REXO5: variants seen among roughly 807,000 people sequenced by gnomAD.
REXO5 encodes RNA exonuclease 5.
REXO5 carries 48 observed loss-of-function variants against 88.5 expected under a neutral mutation model. The ratio of observed to expected loss-of-function variants is 0.54; its 90% CI spans 0.43 to 0.69. The LOEUF (loss-of-function observed/expected upper bound fraction) is 0.69, where lower values mean the gene tolerates loss of function less well. REXO5 is among the 30% of genes least tolerant of loss of function. REXO5 has a pLI of 0.00. For synonymous variants in REXO5, 311 were observed against 336.5 expected (o/e 0.92, Z 0.83); for missense variants, 749 against 912.2 (o/e 0.82, Z 2.30).
In REXO5 at chr16:20,829,297, T is replaced by C. The variant is rs146616662; in HGVS notation, c.1158+760T>C. Among the ~76,000 whole-genome samples the C allele has an allele frequency of 3.2e-3, 493 of 152,336 alleles. 5 individuals carry two copies. Among genetic ancestry groups the C allele is most frequent in the African/African-American group, 0.011 (476 of 41,570 alleles). On this transcript the variant is annotated intron_variant, in intron 11 of 19. Coordinates refer to ENST00000261377, the MANE Select transcript of REXO5 (RefSeq NM_030941.3). ...TATCCTGGTGGTGTGGTGATTATTG[T>C]AGTTAATACTAATAATTATAAAAAA...
chr16:20,833,272 A>G, intron 13 of REXO5, 149 bp downstream of exon 13: 1 of 775,336 alleles, frequency 1.3e-6, no homozygotes, highest in Admixed American at 3.0e-5. Flanking sequence ...TGTATGGAGT[A>G]CCTAAGTCCT....
At chr16:20,832,943 A>G in intron 12 of REXO5, 60 bp from the exon 13 acceptor site, 1 of 1,519,220 alleles carries the variant, frequency 6.6e-7, no homozygotes, top group Non-Finnish European at 9.0e-7. Flanking sequence ...AGTATAGAGA[A>G]ATAACTGTCA....
chr16:20,814,740 G>A (rs1215250080), intron 3 of REXO5, among the ~76,000 whole-genome samples, 187 bp from the exon 4 acceptor site: 3 of 152,156 alleles, frequency 2.0e-5, no homozygotes, highest in African/African-American at 7.2e-5. Flanking sequence ...TTTATCTCTA[G>A]GGATCTTTAT....
chr16:20,814,964 G>T lies in REXO5; in HGVS notation c.289G>T (p.Val97Leu). The T allele has an allele frequency of 6.2e-7, 1 of 1,613,580 alleles. No individual in the cohort carries two copies. The highest frequency in any genetic ancestry group is 8.5e-7 in the Non-Finnish European group (1 of 1,179,782). Residue 97 changes from valine to leucine, a missense_variant, in exon 4 of 20, where the codon GTA becomes TTA. Transcript: ENST00000261377. ...TTTTCATCAAAACCACCTAAACAAC[G>T]TAGTGGTTTTTGTTCTGCAGGGAAT... ...QLFHQNHLNN[V>L]VVFVLQGMSQ...
intron 5 of REXO5, among the ~76,000 whole-genome samples, chr16:20,819,126 A>G (rs1216743896): frequency 6.6e-6 from 1 of 152,138 alleles, no homozygotes; most frequent in Non-Finnish European, 1.5e-5. Flanking sequence ...GCTGCATAGT[A>G]TTCCATGGTG....
At chr16:20,832,385 C>A (rs1008099677) in intron 12 of REXO5, 126 bp downstream of exon 12, 2 of 542,098 alleles carry the variant, frequency 3.7e-6, no homozygotes, top group Non-Finnish European at 6.3e-6. Flanking sequence ...AAAATGATAA[C>A]ATCTATCACA....
At chr16:20,824,373 T>C in intron 6 of REXO5, 66 bp from the exon 7 acceptor site, 1 of 885,584 alleles carries the variant, frequency 1.1e-6, no homozygotes, top group South Asian at 1.4e-5. Context: ...TTTACCTGCT[T>C]GAATCTAAGA....
chr16:20,836,935 T>C (rs1331158887), intron 13 of REXO5, among the ~76,000 whole-genome samples: 1 of 152,246 alleles, frequency 6.6e-6, no homozygotes, highest in Non-Finnish European at 1.5e-5. Context: ...TGGTGAAGTG[T>C]CTGTTCAACT....
At chr16:20,845,312 T>A in intron 18 of REXO5, 71 bp downstream of exon 18, 12 of 453,216 alleles carry the variant, frequency 2.6e-5, no homozygotes, top group East Asian at 8.8e-5. Flanking sequence ...TCCTTTAATC[T>A]TTTTTTTTTT....
At chr16:20,808,184 T>C (rs963035959) in intron 2 of REXO5, among the ~76,000 whole-genome samples, 4 of 152,174 alleles carry the variant, frequency 2.6e-5, no homozygotes, top group African/African-American at 9.7e-5. Context: ...GTGGAAAGAT[T>C]ATCTAACACG....
intron 4 of REXO5, among the ~76,000 whole-genome samples, chr16:20,815,497 A>G (rs530970969): frequency 1.3e-5 from 2 of 152,100 alleles, no homozygotes; most frequent in Admixed American, 6.5e-5. Flanking sequence ...TTATTCCTGA[A>G]GGCATTTGAG....
chr16:20,848,157 G>A (rs913876464), intron 19 of REXO5, among the ~76,000 whole-genome samples: 2 of 152,208 alleles, frequency 1.3e-5, no homozygotes, highest in African/African-American at 4.8e-5. Flanking sequence ...TCCCCAGGCT[G>A]TGGAAGCTTG....
intron 14 of REXO5, chr16:20,840,096 T>G (rs924437733): frequency 8.7e-5 from 46 of 528,958 alleles, no homozygotes; most frequent in Non-Finnish European, 1.3e-4. Flanking sequence ...TCACTACATA[T>G]CTTATTTCCC....
rs763916809 is a variant in REXO5, at chr16:20,827,435, A to G, written c.1043A>G (p.Lys348Arg). The G allele has an allele frequency of 4.3e-6, 7 of 1,613,098 alleles. No homozygotes were observed. Among genetic ancestry groups the G allele is most frequent in the East Asian group, 2.2e-5 (1 of 44,868 alleles). Residue 348 changes from lysine (K) to arginine (R), a missense_variant, in exon 10 of 20, where the codon AAA becomes AGA. Lys to Arg is a conservative substitution (Grantham distance 26). Coordinates refer to ENST00000261377, the MANE Select transcript of REXO5 (RefSeq NM_030941.3). ...AGATTTAAGCTCAAGTTCTTAGCCA[A>G]AGTTATTTTGGGGTAGGTTTGCTTA... ...GRRFKLKFLA[K>R]VILGKDIQCP... is the part of the protein sequence containing the mutation.
chr16:20,809,770 T>C (rs1421214984), intron 2 of REXO5, among the ~76,000 whole-genome samples: 2 of 152,252 alleles, frequency 1.3e-5, no homozygotes, highest in Non-Finnish European at 2.9e-5. Flanking sequence ...TCTTGCTATA[T>C]TGCCCAGGCT....
At chr16:20,832,504 A>G (rs2081361868) in intron 12 of REXO5, among the ~76,000 whole-genome samples, 1 of 151,958 alleles carries the variant, frequency 6.6e-6, no homozygotes, top group Admixed American at 6.6e-5. Context: ...AAAAAAAAAA[A>G]AAAGAAAAAA....
rs1367442795 is a variant in REXO5 at position 20,845,199 on chromosome 16, G to C, written c.2082G>C (p.Gly694=). 1.2e-6 allele frequency: 2 copies of C among 1,613,624 alleles called. No individual in the cohort carries two copies. The highest frequency in any genetic ancestry group is 1.7e-6 in the Non-Finnish European group (2 of 1,179,892). Residue 694 remains glycine, a synonymous_variant, in exon 18 of 20, where the codon GGG becomes GGC. Coordinates refer to ENST00000261377, the MANE Select transcript of REXO5 (RefSeq NM_030941.3). ...GLPPESTRLP[G]LRVVPPPFEQ... is the part of the protein sequence containing the mutation. Reference sequence around the variant, plus strand: ...CACCTGAATCAACAAGGCTCCCAGGGCTTCGTGTTGTACCTCCCCCCTTTG... The same window carrying C: ...CACCTGAATCAACAAGGCTCCCAGGCCTTCGTGTTGTACCTCCCCCCTTTG...
intron 2 of REXO5, among the ~76,000 whole-genome samples, chr16:20,811,352 G>A (rs895375861): frequency 6.6e-6 from 1 of 152,186 alleles, no homozygotes; most frequent in Non-Finnish European, 1.5e-5. Flanking sequence ...GTAGATAGAT[G>A]TACAAAGGTG....
Position 20,821,779 on chromosome 16 carries a change from G to C in REXO5, c.493G>C (p.Ala165Pro). ...TCTTTCAGGGCCTTTACCTTCTAAT[G>C]CAAAAGCCGCCATCAACCTTCAGGA... ...KTMEGPLPSNAKAAINLQDDP... is the reference protein window; with the variant it reads ...KTMEGPLPSNPKAAINLQDDP... The change falls in exon 6 of 20, where the codon GCA (alanine) becomes CCA (proline). Residue 165 changes from alanine (A) to proline (P), a missense_variant. Transcript: ENST00000261377. 1 of 1,588,882 alleles carries C rather than the reference G, an allele frequency of 6.3e-7. No homozygotes were observed. The highest frequency in any genetic ancestry group is 1.2e-5 in the South Asian group (1 of 86,486).
Sources: gnomAD v4.1 joint callset for allele counts (sites outside exome capture counted in the v4.1 genomes callset) on GRCh38, gnomAD v4.1.1 for gene constraint, MANE v1.5 for transcripts, NCBI Gene and HGNC (gene_info 2026-07-23, HGNC 2026-07-21) for gene names.